Variants in CPNE1 observed in about 807,000 individuals in gnomAD.
CPNE1 encodes copine 1, also known as copine-1.
In CPNE1, 58 loss-of-function variants were observed where a neutral mutation model predicts 63.2. The ratio of observed to expected loss-of-function variants is 0.92; its 90% CI spans 0.74 to 1.14. The LOEUF is 1.14. Ranked by LOEUF, CPNE1 falls within the 50% of genes most tolerant of loss-of-function variation. The pLI is 0.00. For synonymous variants in CPNE1, 237 were observed against 249.0 expected (o/e 0.95, Z 0.45); for missense variants, 672 against 661.7 (o/e 1.02, Z -0.17).
At chr20:35,637,196 G>A (rs751049345) in intron 1 of CPNE1, among the ~76,000 whole-genome samples, 16 of 151,694 alleles carry the variant, frequency 1.1e-4, no homozygotes, top group East Asian at 1.9e-4. Context: ...AGTCTCTTGC[G>A]TCCTGCTTGG....
intron 8 of CPNE1, 28 bp from the exon 9 acceptor site, chr20:35,631,382 G>A (rs762743524): frequency 3.7e-6 from 6 of 1,611,266 alleles, no homozygotes; most frequent in African/African-American, 1.3e-5. Context: ...ATTAGGGTAG[G>A]AAATTCTCAG....
At chr20:35,627,245 T>A in intron 14 of CPNE1, 35 bp downstream of exon 14, 1 of 1,560,304 alleles carries the variant, frequency 6.4e-7, no homozygotes, top group Non-Finnish European at 8.7e-7. Flanking sequence ...AAGCCCTTGA[T>A]TGCCACCACT....
At position 35,658,939 on chromosome 20, in the gene CPNE1, CAAG is replaced by C. The variant is rs1002639652; in HGVS notation, c.-1+5818_-1+5820del. 13 of 716,024 alleles carry C rather than the reference CAAG, an allele frequency of 1.8e-5. No homozygotes were observed. In the African/African-American group the frequency reaches 1.9e-4, roughly 11 times the overall value. 44.4% of individuals were successfully genotyped at this position (716,024 alleles called of 1,614,324 possible). A position where few individuals can be genotyped will look rare whatever the true frequency, so the allele number is the denominator to read the frequency against. ...ATTCAAAATCTCTTACCTGATAAAA[CAAG>C]AGATGAATTTCCTTAACAAGAAGTA... is the stretch of plus-strand genomic sequence containing the variant. On this transcript the variant is annotated intron_variant, in intron 1 of 15. Transcript: ENST00000397443.
intron 7 of CPNE1, 50 bp downstream of exon 7, chr20:35,631,638 C>T (rs1422317820): frequency 1.9e-6 from 3 of 1,606,428 alleles, no homozygotes; most frequent in South Asian, 1.1e-5. Flanking sequence ...ATAAGTCCCT[C>T]CCCAGGTTCT....
chr20:35,634,252 C>T (rs2032351341), intron 1 of CPNE1, among the ~76,000 whole-genome samples: 1 of 137,244 alleles, frequency 7.3e-6, no homozygotes, highest in African/African-American at 2.9e-5. Flanking sequence ...CCGAGGTTGA[C>T]TCTGTCACAA....
At chr20:35,636,943 G>A (rs2032520226) in intron 1 of CPNE1, among the ~76,000 whole-genome samples, 1 of 152,124 alleles carries the variant, frequency 6.6e-6, no homozygotes, top group African/African-American at 2.4e-5. Context: ...GTAGCTCAAA[G>A]GAGTGGAAGA....
intron 1 of CPNE1, among the ~76,000 whole-genome samples, chr20:35,645,063 C>T (rs1479410293): frequency 1.3e-5 from 2 of 152,080 alleles, no homozygotes; most frequent in African/African-American, 2.4e-5. Context: ...AGTACTATAC[C>T]GCCTTCCTGA....
intron 1 of CPNE1, chr20:35,655,236 A>G: frequency 6.2e-7 from 1 of 1,614,084 alleles, no homozygotes; most frequent in Non-Finnish European, 8.5e-7. Flanking sequence ...CGCCCCCATC[A>G]GGAATGGTCA....
intron 1 of CPNE1, chr20:35,654,333 AT>A: frequency 6.2e-7 from 1 of 1,614,214 alleles, no homozygotes; most frequent in Non-Finnish European, 8.5e-7. Context: ...AATGCACTGC[AT>A]CAACACGGAG....
chr20:35,626,607 C>T lies in CPNE1; in HGVS notation c.1433G>A (p.Arg478His), dbSNP rs200345671. 17 of 1,614,154 alleles carry T rather than the reference C, an allele frequency of 1.1e-5. No homozygotes were observed. The East Asian group carries it at 1.1e-4, about 11-fold the overall frequency. The change falls in exon 15 of 16, where the codon CGC (arginine) becomes CAC (histidine). Residue 478 changes from arginine (R) to histidine (H), a missense_variant. Physicochemically the swap from Arg to His is conservative, Grantham distance 29. Coordinates refer to ENST00000397443, the MANE Select transcript of CPNE1 (RefSeq NM_152925.3). The stretch of plus-strand genomic sequence containing the variant: ...GTAGGGTACAAACTGCACAATGTCG[C>T]GGGCAGCAGCCTGCCCAGAACGTGT... ...LHTRSGQAAA[R>H]DIVQFVPYRR...
intron 1 of CPNE1, among the ~76,000 whole-genome samples, chr20:35,641,416 G>A (rs778655188): frequency 1.3e-5 from 2 of 152,056 alleles, no homozygotes; most frequent in African/African-American, 4.8e-5. Flanking sequence ...AAGTGACCAG[G>A]CTCCAAATAC....
chr20:35,658,083 A>T (rs889809982), intron 1 of CPNE1, among the ~76,000 whole-genome samples: 26 of 130,614 alleles, frequency 2.0e-4, no homozygotes, highest in Non-Finnish European at 4.1e-4. Flanking sequence ...TAAAAATTTA[A>T]AAAAAAATTT....
chr20:35,630,844 C>T (rs372976333), intron 11 of CPNE1, 49 bp from the exon 12 acceptor site: 50 of 1,604,982 alleles, frequency 3.1e-5, no homozygotes, highest in Non-Finnish European at 3.4e-5. Flanking sequence ...GGACTGTAAG[C>T]TCAGAGGCTG....
chr20:35,658,408 A>C (rs984965084), intron 1 of CPNE1, among the ~76,000 whole-genome samples: 2 of 152,188 alleles, frequency 1.3e-5, no homozygotes, highest in Non-Finnish European at 2.9e-5. Context: ...ATTGACCCCC[A>C]AAGGAACAAC....
At chr20:35,636,442 A>T (rs2032489199) in intron 1 of CPNE1, among the ~76,000 whole-genome samples, 1 of 152,242 alleles carries the variant, frequency 6.6e-6, no homozygotes, top group South Asian at 2.1e-4. Context: ...ACATCTGAAC[A>T]ACGGAATGCT....
At position 35,626,124 on chromosome 20, in the gene CPNE1, T is replaced by C. The variant is rs1184830481; in HGVS notation, c.*117A>G. On this transcript the variant is annotated 3_prime_UTR_variant, in exon 16 of 16. Transcript: ENST00000397443. ...AGAGCAGCAAAAGCAGAAACAAGTA[T>C]AAAAGTATCAAAAAATACAAAGTGC... The C allele has an allele frequency of 9.0e-7, 1 of 1,105,394 alleles. No individual in the cohort carries two copies. The highest frequency in any genetic ancestry group is 1.4e-6 in the Non-Finnish European group (1 of 730,170). The allele number at this position is 1,105,394 out of a possible 1,614,324, so 68.5% of individuals were successfully genotyped here. A position where few individuals can be genotyped will look rare whatever the true frequency, so the allele number is the denominator to read the frequency against.
rs1409522111 is a variant in CPNE1 at position 35,630,793 on chromosome 20, T to A, written c.998A>T (p.Asp333Val). 3.1e-6 allele frequency: 5 copies of A among 1,613,400 alleles called. No individual in the cohort carries two copies. The highest frequency in any genetic ancestry group is 4.2e-6 in the Non-Finnish European group (5 of 1,179,784). Residue 333 changes from aspartate (D) to valine (V), a missense_variant and splice_region_variant, in exon 12 of 16, where the codon GAC becomes GTC. By Grantham distance (152) the Asp-to-Val change is radical. Coordinates refer to ENST00000397443, the MANE Select transcript of CPNE1 (RefSeq NM_152925.3). ...VGSVVQDYDS[D>V]KLFPAFGFGA... is the part of the protein sequence containing the mutation. ...AAATCCAAATGCAGGGAACAGCTTG[T>A]CTCTGTGGGAGGACAGTGTATTGGG... is the stretch of plus-strand genomic sequence containing the variant.
chr20:35,635,426 T>C (rs2032432206), intron 1 of CPNE1, among the ~76,000 whole-genome samples: 1 of 151,972 alleles, frequency 6.6e-6, no homozygotes, highest in Admixed American at 6.6e-5. Context: ...CAGCCCCAGC[T>C]CCCTGCCCAG....
intron 1 of CPNE1, chr20:35,654,886 T>G: frequency 6.2e-7 from 1 of 1,614,044 alleles, no homozygotes; most frequent in Non-Finnish European, 8.5e-7. Context: ...TGTCTGTATG[T>G]TTTTGTTGCT....
Sources: gnomAD v4.1 joint callset for allele counts (sites outside exome capture counted in the v4.1 genomes callset) on GRCh38, gnomAD v4.1.1 for gene constraint, MANE v1.5 for transcripts, NCBI Gene and HGNC (gene_info 2026-07-23, HGNC 2026-07-21) for gene names.